The following UGT1A10 variants were observed in gnomAD, a reference collection of about 807,000 sequenced individuals.
The protein encoded by UGT1A10 is UDP-glucuronosyltransferase 1A10.
UGT1A10 carries 49 observed loss-of-function variants against 45.8 expected under a neutral mutation model. That is an observed-to-expected ratio of 1.07 (90% CI 0.85 to 1.36). The LOEUF is 1.36. Among genes scored for constraint, UGT1A10 ranks in the 40% most tolerant of loss-of-function variants. UGT1A10 has a pLI of 0.00. For missense variants in UGT1A10, 745 were observed against 668.6 expected, an observed-to-expected ratio of 1.11 and a Z score of -1.26; for synonymous variants, 284 against 249.7, an observed-to-expected ratio of 1.14 and a Z score of -1.29.
intron 1 of UGT1A10, among the ~76,000 whole-genome samples, chr2:233,671,506 T>C (rs2074190846): frequency 6.6e-6 from 1 of 152,202 alleles, no homozygotes; most frequent in African/African-American, 2.4e-5. Context: ...TGAGTTGCCA[T>C]CTTCTCTGGA....
chr2:233,656,761 T>A (rs1444148365), intron 1 of UGT1A10, among the ~76,000 whole-genome samples: 1 of 151,962 alleles, frequency 6.6e-6, no homozygotes, highest in African/African-American at 2.4e-5. Flanking sequence ...GTTTTGAAGG[T>A]TTCTTTGGGG....
chr2:233,666,580 C>A (rs2074079312), intron 1 of UGT1A10, among the ~76,000 whole-genome samples: 1 of 151,650 alleles, frequency 6.6e-6, no homozygotes, highest in African/African-American at 2.4e-5. Flanking sequence ...GGATATTTAT[C>A]CTTTACCAGT....
intron 1 of UGT1A10, among the ~76,000 whole-genome samples, chr2:233,679,943 C>A (rs944629060): frequency 1.3e-5 from 2 of 152,082 alleles, no homozygotes; most frequent in African/African-American, 2.4e-5. Flanking sequence ...CAAAAAGATG[C>A]GAGGTTTGGC....
At chr2:233,711,506 A>G (rs1260347512) in intron 1 of UGT1A10, among the ~76,000 whole-genome samples, 3 of 152,160 alleles carry the variant, frequency 2.0e-5, no homozygotes, top group African/African-American at 4.8e-5. Flanking sequence ...ATCCCTTTCT[A>G]GCGCTCTGTG....
At chr2:233,661,956 G>T (rs1490708488) in intron 1 of UGT1A10, among the ~76,000 whole-genome samples, 1 of 151,980 alleles carries the variant, frequency 6.6e-6, no homozygotes, top group Non-Finnish European at 1.5e-5. Context: ...TTACTGGAGG[G>T]ATGAACTGTA....
At chr2:233,640,186 A>T (rs895399445) in intron 1 of UGT1A10, among the ~76,000 whole-genome samples, 1 of 152,316 alleles carries the variant, frequency 6.6e-6, no homozygotes, top group African/African-American at 2.4e-5. Flanking sequence ...TACTTCAAGT[A>T]TTTATTTTCA....
chr2:233,751,669 T>C (rs923739098), intron 1 of UGT1A10, among the ~76,000 whole-genome samples: 3 of 152,228 alleles, frequency 2.0e-5, no homozygotes, highest in African/African-American at 7.2e-5. Flanking sequence ...GAGTGAGTTC[T>C]AATGAGAGCT....
At chr2:233,731,273 A>G (rs1323685253) in intron 1 of UGT1A10, among the ~76,000 whole-genome samples, 1 of 147,192 alleles carries the variant, frequency 6.8e-6, no homozygotes. Flanking sequence ...TTGCCCTTCC[A>G]GTTTTTCTTT....
chr2:233,743,976 C>T (rs2125858385), intron 1 of UGT1A10: 2 of 1,312,500 alleles, frequency 1.5e-6, no homozygotes, highest in African/African-American at 1.5e-5. Context: ...GCTGCCAGCA[C>T]CCAGGCGCAG....
chr2:233,767,408 G>A (rs1042627267), intron 2 of UGT1A10, among the ~76,000 whole-genome samples: 3 of 152,112 alleles, frequency 2.0e-5, no homozygotes, highest in Non-Finnish European at 2.9e-5. Flanking sequence ...TTCTCTAAGA[G>A]ACTCAAAAGT....
At chr2:233,729,397 C>T (rs762751427) in intron 1 of UGT1A10, 64 of 1,613,538 alleles carry the variant, frequency 4.0e-5, no homozygotes, top group Non-Finnish European at 4.6e-5. Flanking sequence ...TGAATTTGAT[C>T]GCCATGTGCT....
At chr2:233,750,052 T>C (rs1170416516) in intron 1 of UGT1A10, among the ~76,000 whole-genome samples, 1 of 151,744 alleles carries the variant, frequency 6.6e-6, no homozygotes, top group Non-Finnish European at 1.5e-5. Context: ...AATGTGGAAG[T>C]GACTTTGGAA....
chr2:233,671,573 C>CA (rs897589479), intron 1 of UGT1A10, among the ~76,000 whole-genome samples: 27 of 151,660 alleles, frequency 1.8e-4, no homozygotes, highest in African/African-American at 6.5e-4. Flanking sequence ...GGACAAATTC[C>CA]AAAAAAAATT....
chr2:233,729,942 CA>C, intron 1 of UGT1A10: 1 of 1,614,068 alleles, frequency 6.2e-7, no homozygotes, highest in Non-Finnish European at 8.5e-7. Context: ...TCATGCCCAA[CA>C]TGGTCTTCAT....
At chr2:233,739,084 G>A (rs1483024078) in intron 1 of UGT1A10, 1 of 152,248 alleles carries the variant, frequency 6.6e-6, no homozygotes, top group Non-Finnish European at 1.5e-5. Flanking sequence ...TCAAGCCTTG[G>A]CAGCATCGAT....
In UGT1A10 at chr2:233,637,119, T is replaced by C. The variant is rs45523834; in HGVS notation, c.597T>C (p.Asp199=). Residue 199 remains aspartate, a synonymous_variant, in exon 1 of 5, where the codon GAT becomes GAC. Coordinates refer to ENST00000344644, the MANE Select transcript of UGT1A10 (RefSeq NM_019075.4). ...CCAATGATCTCTTAGGGTTCTCAGATGCCATGACTTTCAAGGAGAGAGTAT... is the reference window on the plus strand; with the variant it reads ...CCAATGATCTCTTAGGGTTCTCAGACGCCATGACTTTCAAGGAGAGAGTAT... ...YVPNDLLGFS[D]AMTFKERVWN... 3,399 of 1,613,958 alleles carry C rather than the reference T, an allele frequency of 2.1e-3. 80 individuals carry two copies. The African/African-American group carries it at 0.041, about 19-fold the overall frequency.
chr2:233,666,279 C>A (rs2074074439), intron 1 of UGT1A10, among the ~76,000 whole-genome samples: 1 of 152,226 alleles, frequency 6.6e-6, no homozygotes, highest in Non-Finnish European at 1.5e-5. Flanking sequence ...CAAACACCTC[C>A]TGCTAAGCCC....
chr2:233,681,069 C>A (rs528405571), intron 1 of UGT1A10, among the ~76,000 whole-genome samples: 19 of 151,872 alleles, frequency 1.3e-4, no homozygotes, highest in African/African-American at 4.3e-4. Context: ...ACCTGTGTCA[C>A]AATTGTGGCT....
intron 1 of UGT1A10, among the ~76,000 whole-genome samples, chr2:233,697,120 C>T (rs948717146): frequency 1.2e-4 from 18 of 151,966 alleles, no homozygotes; most frequent in Non-Finnish European, 2.5e-4. Flanking sequence ...ATTCTCTCCT[C>T]TTCATTTTTC....
Sources: allele counts gnomAD v4.1 joint callset (sites outside exome capture counted in the v4.1 genomes callset), GRCh38; gene constraint gnomAD v4.1.1; transcripts MANE v1.5; gene names NCBI Gene and HGNC (gene_info 2026-07-23, HGNC 2026-07-21).